OLA1: variants seen among roughly 807,000 people sequenced by gnomAD.
The protein encoded by OLA1 is Obg like ATPase 1.
A neutral mutation model predicts 48.4 loss-of-function variants in OLA1; 14 were observed. The ratio of observed to expected loss-of-function variants is 0.29; its 90% CI spans 0.19 to 0.45. The LOEUF is 0.45. Ranked by LOEUF, OLA1 falls within the 20% of genes least tolerant of loss-of-function variation. The probability of loss-of-function intolerance (pLI) is 1.00; values close to 1 mark genes in which losing one functional copy is unlikely to be tolerated. For missense variants in OLA1, 325 were observed against 467.1 expected (o/e 0.70, Z 2.80); for synonymous variants, 127 against 150.4 (o/e 0.84, Z 1.14).
At chr2:174,147,195 G>A (rs908922284) in intron 4 of OLA1, among the ~76,000 whole-genome samples, 1 of 152,140 alleles carries the variant, frequency 6.6e-6, no homozygotes, top group African/African-American at 2.4e-5. Context: ...GGGAGGCCGA[G>A]GTGGGCGGAT....
rs571819061 is a variant in OLA1, at chr2:174,087,087, T to C, written c.729-5023A>G. Among the ~76,000 whole-genome samples, 904 of 151,372 alleles carry C rather than the reference T, an allele frequency of 6.0e-3. 2 individuals are homozygous for C. The highest frequency in any genetic ancestry group is 0.01 in the Non-Finnish European group (710 of 67,824). ...CTGTCGCCAGGCTGGAGTGCAGTGG[T>C]GTGATCTCGGCTCACTGCAACCTCT... On this transcript the variant is annotated intron_variant, in intron 7 of 10. Coordinates refer to ENST00000284719, the MANE Select transcript of OLA1 (RefSeq NM_013341.5).
At chr2:174,152,763 T>C (rs1043673417) in intron 4 of OLA1, among the ~76,000 whole-genome samples, 1 of 152,224 alleles carries the variant, frequency 6.6e-6, no homozygotes, top group Non-Finnish European at 1.5e-5. Context: ...TGGTGGGTTG[T>C]ACTGATTTAC....
chr2:174,177,138 T>C (rs983556270), intron 4 of OLA1, among the ~76,000 whole-genome samples: 4 of 152,156 alleles, frequency 2.6e-5, no homozygotes, highest in African/African-American at 9.6e-5. Context: ...AGTTTGGAAC[T>C]AGATCTCCAT....
intron 7 of OLA1, among the ~76,000 whole-genome samples, chr2:174,099,163 T>TA (rs200869836): frequency 1.5e-4 from 23 of 151,646 alleles, no homozygotes; most frequent in African/African-American, 4.3e-4. Flanking sequence ...TTTATTTATT[T>TA]TTTTTTTTTT....
chr2:174,215,382 C>T (rs1032186968), intron 4 of OLA1, among the ~76,000 whole-genome samples: 3 of 152,064 alleles, frequency 2.0e-5, no homozygotes, highest in South Asian at 2.1e-4. Flanking sequence ...CTAATAAACT[C>T]GTCAATAAAT....
At chr2:174,096,326 T>G (rs1685254479) in intron 7 of OLA1, among the ~76,000 whole-genome samples, 1 of 152,156 alleles carries the variant, frequency 6.6e-6, no homozygotes, top group South Asian at 2.1e-4. Context: ...TTTGGGGTGA[T>G]GAAAATGTTC....
intron 3 of OLA1, 109 bp from the exon 4 acceptor site, chr2:174,223,269 G>T: frequency 9.5e-7 from 1 of 1,052,282 alleles, no homozygotes; most frequent in Non-Finnish European, 1.4e-6. Context: ...TAGAACAATG[G>T]AACAATAATG....
intron 3 of OLA1, among the ~76,000 whole-genome samples, chr2:174,226,198 CAAA>C (rs532536178): frequency 1.2e-5 from 1 of 83,580 alleles, no homozygotes. Context: ...GACTCCGTCT[CAAA>C]AAAAAAAAAA....
intron 2 of OLA1, among the ~76,000 whole-genome samples, chr2:174,242,450 C>G (rs1241539702): frequency 1.3e-5 from 2 of 152,142 alleles, no homozygotes; most frequent in African/African-American, 4.8e-5. Context: ...CAGCCTGGTT[C>G]TTCACACGCC....
At chr2:174,141,088 C>T (rs1686436479) in intron 5 of OLA1, among the ~76,000 whole-genome samples, 1 of 152,172 alleles carries the variant, frequency 6.6e-6, no homozygotes, top group Non-Finnish European at 1.5e-5. Flanking sequence ...CCTACCACCA[C>T]ACCCAGCTAA....
intron 4 of OLA1, among the ~76,000 whole-genome samples, chr2:174,164,182 G>A (rs1290500790): frequency 6.6e-6 from 1 of 152,034 alleles, no homozygotes; most frequent in Non-Finnish European, 1.5e-5. Context: ...AGAACTGTAA[G>A]TCAATTAAAC....
chr2:174,207,366 T>C (rs1351893066), intron 4 of OLA1, among the ~76,000 whole-genome samples: 1 of 152,146 alleles, frequency 6.6e-6, no homozygotes, highest in East Asian at 1.9e-4. Context: ...TTCAAACAGA[T>C]ACAGAGGAAC....
At chr2:174,121,454 T>TA (rs928666641) in intron 7 of OLA1, among the ~76,000 whole-genome samples, 1 of 152,124 alleles carries the variant, frequency 6.6e-6, no homozygotes. Flanking sequence ...ATCATTCAGT[T>TA]ACCCAGTCTT....
At chr2:174,101,979 G>T (rs904283391) in intron 7 of OLA1, among the ~76,000 whole-genome samples, 3 of 152,128 alleles carry the variant, frequency 2.0e-5, no homozygotes, top group African/African-American at 7.2e-5. Context: ...GAAAAAATAG[G>T]CAGTTTAGTT....
chr2:174,160,331 C>T (rs1483060464), intron 4 of OLA1, among the ~76,000 whole-genome samples: 2 of 152,052 alleles, frequency 1.3e-5, no homozygotes, highest in South Asian at 4.1e-4. Context: ...GGTTATTCAA[C>T]GTATAAACAT....
At chr2:174,239,348 T>A (rs1199373255) in intron 2 of OLA1, among the ~76,000 whole-genome samples, 2 of 152,162 alleles carry the variant, frequency 1.3e-5, no homozygotes, top group African/African-American at 4.8e-5. Context: ...AAAGTTAATA[T>A]CACCAAAAAT....
At chr2:174,214,601 G>A (rs1192083020) in intron 4 of OLA1, among the ~76,000 whole-genome samples, 1 of 152,120 alleles carries the variant, frequency 6.6e-6, no homozygotes, top group East Asian at 1.9e-4. Context: ...ATCCTTTGTG[G>A]TTAGGGCCCT....
intron 4 of OLA1, among the ~76,000 whole-genome samples, chr2:174,193,228 T>G (rs1687813666): frequency 6.6e-6 from 1 of 152,082 alleles, no homozygotes; most frequent in Non-Finnish European, 1.5e-5. Flanking sequence ...TAGCTGGGAT[T>G]ATAGGCATGC....
At chr2:174,075,584 G>T in intron 10 of OLA1, 57 bp from the exon 11 acceptor site, 1 of 1,008,408 alleles carries the variant, frequency 9.9e-7, no homozygotes, top group Non-Finnish European at 1.6e-6. Context: ...AATACATGGG[G>T]TAAATGGTGG....
Sources: gnomAD v4.1 joint callset for allele counts (sites outside exome capture counted in the v4.1 genomes callset) on GRCh38, gnomAD v4.1.1 for gene constraint, MANE v1.5 for transcripts, NCBI Gene and HGNC (gene_info 2026-07-23, HGNC 2026-07-21) for gene names.